MGAT4A: variants seen among roughly 807,000 people sequenced by gnomAD.
MGAT4A encodes alpha-1,3-mannosyl-glycoprotein 4-beta-N-acetylglucosaminyltransferase A.
A neutral mutation model predicts 74.1 loss-of-function variants in MGAT4A; 33 were observed. The ratio of observed to expected loss-of-function variants is 0.45; its 90% confidence interval spans 0.34 to 0.60. The LOEUF is 0.60. MGAT4A is among the 20% of genes least tolerant of loss of function. The probability of loss-of-function intolerance (pLI) is 0.02; values close to 1 mark genes in which losing one functional copy is unlikely to be tolerated. For synonymous variants in MGAT4A, 198 were observed against 210.4 expected (o/e 0.94, Z 0.51); for missense variants, 479 against 628.3 (o/e 0.76, Z 2.54).
chr2:98,637,144 T>A (rs1701334794), intron 12 of MGAT4A, among the ~76,000 whole-genome samples: 1 of 151,888 alleles, frequency 6.6e-6, no homozygotes, highest in Non-Finnish European at 1.5e-5. Context: ...ACCTCGTCGC[T>A]ACAAAAAAAT....
At chr2:98,688,177 A>C (rs1702152334) in intron 2 of MGAT4A, among the ~76,000 whole-genome samples, 1 of 152,136 alleles carries the variant, frequency 6.6e-6, no homozygotes, top group Non-Finnish European at 1.5e-5. Context: ...TTAAGGACTG[A>C]TACTTCATGG....
intron 4 of MGAT4A, among the ~76,000 whole-genome samples, chr2:98,667,062 T>G (rs1301081793): frequency 6.6e-6 from 1 of 152,096 alleles, no homozygotes; most frequent in African/African-American, 2.4e-5. Context: ...CAAGATCTGA[T>G]GGTTTTAAAA....
intron 2 of MGAT4A, among the ~76,000 whole-genome samples, chr2:98,719,745 C>T (rs1369982476): frequency 6.6e-6 from 1 of 152,184 alleles, no homozygotes; most frequent in Non-Finnish European, 1.5e-5. Context: ...CTCCTGGGTT[C>T]AAGCAATTCT....
At position 98,694,120 on chromosome 2, in the gene MGAT4A, G is replaced by C. The variant is rs529400381; in HGVS notation, c.95-15649C>G. 3 of 153,644 alleles carry C rather than the reference G, an allele frequency of 2.0e-5. No homozygotes were observed. The South Asian group carries it at 5.3e-4, about 27-fold the overall frequency. 9.5% of individuals were successfully genotyped at this position (153,644 alleles called of 1,614,324 possible). A position where few individuals can be genotyped will look rare whatever the true frequency, so the allele number is the denominator to read the frequency against. ...CACCCACCATGGTGAAGGCAGAGCT[G>C]GCCCAGCAGGCTAAGCACTGTGACA... On this transcript the variant is annotated intron_variant, in intron 2 of 15. Coordinates refer to ENST00000393487, the MANE Select transcript of MGAT4A (RefSeq NM_012214.3).
At chr2:98,653,404 A>G (rs1488128681) in intron 8 of MGAT4A, among the ~76,000 whole-genome samples, 1 of 151,360 alleles carries the variant, frequency 6.6e-6, no homozygotes, top group Non-Finnish European at 1.5e-5. Context: ...TTGGTTTTTG[A>G]AAAGATCAAT....
chr2:98,702,442 AGG>A (rs1575275829), intron 2 of MGAT4A, among the ~76,000 whole-genome samples: 1 of 152,140 alleles, frequency 6.6e-6, no homozygotes, highest in East Asian at 1.9e-4. Flanking sequence ...AGATGGCTGT[AGG>A]GGGCTTATAA....
At chr2:98,725,948 G>T in intron 2 of MGAT4A, 1 of 406,934 alleles carries the variant, frequency 2.5e-6, no homozygotes, top group Non-Finnish European at 4.3e-6. Flanking sequence ...ATGCCAAAAC[G>T]AAAGTCTTTA....
rs1559151804 is a variant in MGAT4A at position 98,621,840 on chromosome 2, A to G, written c.*3726T>C. ...TCATAATTTTGCTTATAGTTTTAAA[A>G]ATAACAACACCTTCTAATTATTGAC... is the stretch of plus-strand genomic sequence containing the variant. On this transcript the variant is annotated 3_prime_UTR_variant, in exon 16 of 16. Transcript: ENST00000393487. 9.7e-7 allele frequency: 1 copy of G among 1,033,654 alleles called. No homozygotes were observed. The highest frequency in any genetic ancestry group is 1.7e-5 in the African/African-American group (1 of 58,694). 64.0% of individuals were successfully genotyped at this position (1,033,654 alleles called of 1,614,324 possible).
intron 8 of MGAT4A, among the ~76,000 whole-genome samples, chr2:98,650,186 T>G (rs963549530): frequency 1.3e-5 from 2 of 152,034 alleles, no homozygotes; most frequent in African/African-American, 2.4e-5. Context: ...GGCAGAAGAA[T>G]CAGTGAACTT....
Position 98,636,580 on chromosome 2 carries a change from G to T in MGAT4A, c.1338C>A (p.Ser446Arg), listed in dbSNP as rs769148358. The part of the protein sequence containing the change: ...PVNVESYLFH[S>R]GNQEHPGDIL... ...TATCTCCAGGATGTTCTTGGTTGCCGCTATGGAACAAATAACTGAAAATAC... is the reference window on the plus strand; with the variant it reads ...TATCTCCAGGATGTTCTTGGTTGCCTCTATGGAACAAATAACTGAAAATAC... The change falls in exon 13 of 16, where the codon AGC (serine) becomes AGA (arginine). Residue 446 changes from serine (S) to arginine (R), a missense_variant. Ser to Arg is a moderately radical substitution (Grantham distance 110). Transcript: ENST00000393487. The T allele has an allele frequency of 3.1e-6, 5 of 1,613,126 alleles. No homozygotes were observed. The highest frequency in any genetic ancestry group is 1.3e-5 in the African/African-American group (1 of 74,908).
chr2:98,722,373 T>C (rs141694793), intron 2 of MGAT4A, among the ~76,000 whole-genome samples: 71 of 152,328 alleles, frequency 4.7e-4, no homozygotes, highest in African/African-American at 1.6e-3. Flanking sequence ...CACTGTGAAG[T>C]GATCTGCCAC....
rs755619934 is a variant in MGAT4A, at chr2:98,621,618, GATATTAT to G, written c.*3941_*3947del. On this transcript the variant is annotated 3_prime_UTR_variant, in exon 16 of 16. Coordinates refer to ENST00000393487, the MANE Select transcript of MGAT4A (RefSeq NM_012214.3). The stretch of plus-strand genomic sequence containing the variant: ...GTTCCACCCATGCTCAAAGTGGGAG[GATATTAT>G]ACAAGGTCATTGGTGGGGGTGTCAG... 7.7e-5 allele frequency: 115 copies of G among 1,499,984 alleles called. 1 individual carries two copies. The highest frequency in any genetic ancestry group is 9.7e-5 in the Non-Finnish European group (109 of 1,121,622). 92.9% of individuals were successfully genotyped at this position (1,499,984 alleles called of 1,614,324 possible).
chr2:98,730,874 G>A (rs991195894), intron 1 of MGAT4A, among the ~76,000 whole-genome samples, 174 bp downstream of exon 1: 10 of 144,852 alleles, frequency 6.9e-5, no homozygotes, highest in African/African-American at 2.5e-4. Context: ...CCCCCGCACA[G>A]AGCTCCGGCC....
At chr2:98,671,884 A>G (rs1281925170) in intron 4 of MGAT4A, among the ~76,000 whole-genome samples, 1 of 130,938 alleles carries the variant, frequency 7.6e-6, no homozygotes, top group African/African-American at 2.9e-5. Flanking sequence ...GGTCAGAGAG[A>G]TTTGAAGATA....
chr2:98,677,892 T>A (rs1433786083), intron 3 of MGAT4A, among the ~76,000 whole-genome samples: 1 of 150,758 alleles, frequency 6.6e-6, no homozygotes, highest in Non-Finnish European at 1.5e-5. Flanking sequence ...TATAAACTAT[T>A]CTACATGACT....
At chr2:98,728,579 C>G (rs1702797692) in intron 1 of MGAT4A, among the ~76,000 whole-genome samples, 1 of 151,948 alleles carries the variant, frequency 6.6e-6, no homozygotes, top group South Asian at 2.1e-4. Flanking sequence ...GAAACCCTGT[C>G]TCTATTAAAA....
intron 8 of MGAT4A, among the ~76,000 whole-genome samples, chr2:98,648,722 C>CCAA (rs1559159030): frequency 2.5e-5 from 3 of 121,702 alleles, no homozygotes; most frequent in African/African-American, 5.7e-5. Flanking sequence ...ACCCTGTCTC[C>CCAA]AAAAAAAAAA....
intron 2 of MGAT4A, among the ~76,000 whole-genome samples, chr2:98,691,287 C>T (rs768558126): frequency 1.3e-5 from 2 of 152,042 alleles, no homozygotes; most frequent in South Asian, 2.1e-4. Flanking sequence ...AACCCCATCT[C>T]TACAAAAAAT....
At chr2:98,635,878 C>T (rs1701310809) in intron 13 of MGAT4A, among the ~76,000 whole-genome samples, 1 of 151,622 alleles carries the variant, frequency 6.6e-6, no homozygotes. Context: ...CTCCCAGCTA[C>T]TCGGGAGGCT....
Sources: allele counts gnomAD v4.1 joint callset (sites outside exome capture counted in the v4.1 genomes callset), GRCh38; gene constraint gnomAD v4.1.1; transcripts MANE v1.5; gene names NCBI Gene and HGNC (gene_info 2026-07-23, HGNC 2026-07-21).